Variants in DCC observed in about 807,000 individuals in gnomAD.
The protein encoded by DCC is netrin receptor DCC.
Under a neutral mutation model 172.5 loss-of-function variants are expected in DCC, and 58 were observed. The ratio of observed to expected loss-of-function variants is 0.34; its 90% CI spans 0.27 to 0.42. The LOEUF (loss-of-function observed/expected upper bound fraction) is 0.42. Ranked by LOEUF, DCC falls within the 10% of genes least tolerant of loss-of-function variation. The pLI is 1.00. For missense variants in DCC, 1,740 were observed against 1,791.0 expected, an observed-to-expected ratio of 0.97 and a Z score of 0.51; for synonymous variants, 709 against 644.5, an observed-to-expected ratio of 1.10 and a Z score of -1.52.
At position 52,690,353 on chromosome 18, in the gene DCC, G is replaced by A. The variant is rs77840053; in HGVS notation, c.92-61701G>A. On this transcript the variant is annotated intron_variant, in intron 1 of 28. Transcript: ENST00000442544. The stretch of plus-strand genomic sequence containing the variant: ...TGTAAGAGGCAACCGGAAGAGGATT[G>A]AGGGCAGTAGAGGCTTCACAGCAGA... 1.8e-4 allele frequency among the ~76,000 whole-genome samples: 27 copies of A among 152,268 alleles called. No individual in the cohort carries two copies. The East Asian group carries it at 4.4e-3, about 25-fold the overall frequency.
chr18:53,253,266 A>C (rs988673445), intron 12 of DCC, among the ~76,000 whole-genome samples: 2 of 151,984 alleles, frequency 1.3e-5, no homozygotes, highest in Non-Finnish European at 2.9e-5. Context: ...ACTAATGGTG[A>C]ATATTTATTA....
chr18:52,568,014 A>T (rs2033202382), intron 1 of DCC, among the ~76,000 whole-genome samples: 1 of 152,170 alleles, frequency 6.6e-6, no homozygotes, highest in Admixed American at 6.6e-5. Context: ...ATATTGTGCA[A>T]ATATCAATTT....
chr18:53,418,218 C>G (rs977059988), intron 21 of DCC, among the ~76,000 whole-genome samples: 4 of 152,104 alleles, frequency 2.6e-5, no homozygotes, highest in African/African-American at 9.7e-5. Flanking sequence ...TTGAGAGGGA[C>G]TGATGACATA....
intron 2 of DCC, among the ~76,000 whole-genome samples, chr18:52,821,042 A>T (rs1017864507): frequency 2.6e-5 from 4 of 152,136 alleles, no homozygotes; most frequent in African/African-American, 9.7e-5. Context: ...TCATTTTATG[A>T]CGTTATTTCA....
chr18:53,053,305 G>A (rs1347182219), intron 5 of DCC, among the ~76,000 whole-genome samples: 2 of 152,132 alleles, frequency 1.3e-5, no homozygotes, highest in Non-Finnish European at 2.9e-5. Context: ...TTTAAGGGAA[G>A]ATAAGAAAGT....
At chr18:52,451,507 G>A (rs1598829287) in intron 1 of DCC, among the ~76,000 whole-genome samples, 1 of 152,160 alleles carries the variant, frequency 6.6e-6, no homozygotes, top group Admixed American at 6.5e-5. Context: ...GCAGTTGTCA[G>A]TAATGATGGC....
At chr18:53,278,983 C>T (rs1298724129) in intron 12 of DCC, among the ~76,000 whole-genome samples, 1 of 152,154 alleles carries the variant, frequency 6.6e-6, no homozygotes. Flanking sequence ...TGAGGAATCA[C>T]CACACTGACT....
intron 3 of DCC, among the ~76,000 whole-genome samples, chr18:52,910,581 A>G (rs2039958108): frequency 6.6e-6 from 1 of 152,126 alleles, no homozygotes; most frequent in South Asian, 2.1e-4. Context: ...CATGTGATGA[A>G]TGGAAGCAGC....
intron 2 of DCC, among the ~76,000 whole-genome samples, chr18:52,816,173 C>T (rs1598832290): frequency 6.6e-6 from 1 of 152,182 alleles, no homozygotes; most frequent in South Asian, 2.1e-4. Flanking sequence ...CACACTCACA[C>T]AGCTGTGAAG....
chr18:53,370,191 TTGTAGGAA>T (rs1188652401), intron 15 of DCC, among the ~76,000 whole-genome samples: 1 of 151,822 alleles, frequency 6.6e-6, no homozygotes, highest in African/African-American at 2.4e-5. Flanking sequence ...GGTAGTATGT[TTGTAGGAA>T]TGTGTCCATT....
At chr18:53,136,867 A>G (rs2043750975) in intron 7 of DCC, among the ~76,000 whole-genome samples, 1 of 152,220 alleles carries the variant, frequency 6.6e-6, no homozygotes, top group African/African-American at 2.4e-5. Flanking sequence ...TAATAATATT[A>G]AATCATTTCT....
chr18:52,548,292 C>A (rs934922042), intron 1 of DCC, among the ~76,000 whole-genome samples: 1 of 152,066 alleles, frequency 6.6e-6, no homozygotes, highest in Admixed American at 6.6e-5. Context: ...GAAAGTCACC[C>A]TGACTCAGGG....
intron 15 of DCC, among the ~76,000 whole-genome samples, chr18:53,360,014 G>T (rs1056406387): frequency 6.6e-6 from 1 of 152,034 alleles, no homozygotes; most frequent in Non-Finnish European, 1.5e-5. Flanking sequence ...TGAGGGTGCT[G>T]GGAGAAGAGC....
intron 24 of DCC, among the ~76,000 whole-genome samples, chr18:53,460,274 GTTTT>G (rs766940670): frequency 3.7e-5 from 3 of 81,086 alleles, no homozygotes; most frequent in African/African-American, 4.9e-5. Flanking sequence ...AGGAGCTCCT[GTTTT>G]TTTTTTTTTT....
intron 1 of DCC, among the ~76,000 whole-genome samples, chr18:52,608,083 G>A (rs762462165): frequency 6.6e-6 from 1 of 151,944 alleles, no homozygotes; most frequent in Non-Finnish European, 1.5e-5. Context: ...CTTTTCTGAT[G>A]CTCTATCTCC....
chr18:52,466,162 G>T (rs901106937), intron 1 of DCC, among the ~76,000 whole-genome samples: 2 of 152,096 alleles, frequency 1.3e-5, no homozygotes, highest in African/African-American at 4.8e-5. Context: ...AAGTCTCTCA[G>T]CTCCAAGCCC....
chr18:52,425,677 A>G (rs1987400357), intron 1 of DCC, among the ~76,000 whole-genome samples: 1 of 152,106 alleles, frequency 6.6e-6, no homozygotes, highest in Admixed American at 6.6e-5. Context: ...AGAAAAGAAA[A>G]GTAAAACATT....
intron 1 of DCC, among the ~76,000 whole-genome samples, chr18:52,635,221 CTCTCCAA>C: frequency 6.6e-6 from 1 of 152,180 alleles, no homozygotes; most frequent in Admixed American, 6.5e-5. Context: ...GATAACACCT[CTCTCCAA>C]GAAACTCAAA....
rs2054823930 is a variant in DCC at position 53,160,695 on chromosome 18, C to G, written c.1418+3183C>G. 2.6e-5 allele frequency among the ~76,000 whole-genome samples: 4 copies of G among 152,178 alleles called. No homozygotes were observed. In the South Asian group the frequency reaches 8.3e-4, roughly 31 times the overall value. ...ATACTACATTTATCAGGCAGTCTCTCTCACATACGCTCCTAATGATATTTC... is the reference window on the plus strand; with the variant it reads ...ATACTACATTTATCAGGCAGTCTCTGTCACATACGCTCCTAATGATATTTC... On this transcript the variant is annotated intron_variant, in intron 8 of 28. Transcript: ENST00000442544.
Sources: gnomAD v4.1 joint callset for allele counts (sites outside exome capture counted in the v4.1 genomes callset) on GRCh38, gnomAD v4.1.1 for gene constraint, MANE v1.5 for transcripts, NCBI Gene and HGNC (gene_info 2026-07-23, HGNC 2026-07-21) for gene names.